Variants in DPY19L4 observed in about 807,000 individuals in gnomAD.
DPY19L4 encodes the protein probable C-mannosyltransferase DPY19L4.
In DPY19L4, 97 loss-of-function variants were observed where a neutral mutation model predicts 102.8. The ratio of observed to expected loss-of-function variants is 0.94; its 90% CI spans 0.80 to 1.12. The LOEUF is 1.12. Ranked by LOEUF, DPY19L4 falls within the 50% of genes most tolerant of loss-of-function variation. The pLI is 0.00. For missense variants in DPY19L4, 815 were observed against 850.4 expected, an observed-to-expected ratio of 0.96 and a Z score of 0.52; for synonymous variants, 252 against 283.1, an observed-to-expected ratio of 0.89 and a Z score of 1.10.
At chr8:94,725,960 T>C (rs912939121) in intron 1 of DPY19L4, among the ~76,000 whole-genome samples, 3 of 152,212 alleles carry the variant, frequency 2.0e-5, no homozygotes, top group Non-Finnish European at 4.4e-5. Flanking sequence ...TAAAGAACAG[T>C]TAAACCATAA....
chr8:94,739,592 A>C (rs770555245), intron 5 of DPY19L4, 53 bp from the exon 6 acceptor site: 16 of 1,601,904 alleles, frequency 1.0e-5, no homozygotes, highest in African/African-American at 2.7e-5. Context: ...TGAATCCTCA[A>C]ATTATTTAAT....
chr8:94,752,755 C>T (rs987037111), intron 6 of DPY19L4, among the ~76,000 whole-genome samples: 1 of 150,804 alleles, frequency 6.6e-6, no homozygotes, highest in Non-Finnish European at 1.5e-5. Context: ...AGCTCCGCCA[C>T]CCCGGTTCAC....
chr8:94,759,317 T>C (rs961838091), intron 7 of DPY19L4, among the ~76,000 whole-genome samples: 1 of 151,988 alleles, frequency 6.6e-6, no homozygotes, highest in African/African-American at 2.4e-5. Context: ...ATCCTGCTGA[T>C]TGGTGCATTT....
At chr8:94,771,717 G>A (rs1234981809) in intron 13 of DPY19L4, among the ~76,000 whole-genome samples, 1 of 152,236 alleles carries the variant, frequency 6.6e-6, no homozygotes, top group Non-Finnish European at 1.5e-5. Flanking sequence ...GCCTGGGCAG[G>A]AAGGATCATG....
At chr8:94,777,520 T>G in intron 13 of DPY19L4, 146 bp from the exon 14 acceptor site, 1 of 957,766 alleles carries the variant, frequency 1.0e-6, no homozygotes, top group Non-Finnish European at 1.5e-6. Flanking sequence ...AACAATCTGT[T>G]GCTGAAAATT....
intron 16 of DPY19L4, 128 bp downstream of exon 16, chr8:94,781,294 G>T: frequency 1.3e-6 from 1 of 754,778 alleles, no homozygotes. Context: ...GGCGTTTTAG[G>T]GATATTTAGA....
At chr8:94,740,736 T>C (rs1811408953) in intron 6 of DPY19L4, among the ~76,000 whole-genome samples, 1 of 152,240 alleles carries the variant, frequency 6.6e-6, no homozygotes, top group Non-Finnish European at 1.5e-5. Context: ...ATTACAGGTG[T>C]GAGCCACTGC....
intron 12 of DPY19L4, among the ~76,000 whole-genome samples, chr8:94,768,765 G>A (rs1014207409): frequency 3.3e-5 from 5 of 151,950 alleles, no homozygotes; most frequent in African/African-American, 9.7e-5. Flanking sequence ...AGGCCGAAGC[G>A]GGCAGATCGC....
chr8:94,776,022 A>G (rs1165019509), intron 13 of DPY19L4, among the ~76,000 whole-genome samples: 2 of 144,738 alleles, frequency 1.4e-5, no homozygotes, highest in Admixed American at 7.0e-5. Context: ...TTCAATTTTT[A>G]AATCTTTTTT....
At chr8:94,777,229 G>T (rs539748913) in intron 13 of DPY19L4, among the ~76,000 whole-genome samples, 4 of 151,980 alleles carry the variant, frequency 2.6e-5, no homozygotes, top group African/African-American at 9.6e-5. Flanking sequence ...ACCATGCCTG[G>T]CTAATTTTTG....
At chr8:94,766,726 C>G in intron 11 of DPY19L4, 41 bp downstream of exon 11, 1 of 1,540,248 alleles carries the variant, frequency 6.5e-7, no homozygotes, top group Non-Finnish European at 8.9e-7. Flanking sequence ...ATCGATACCA[C>G]TTAGAAAATA....
intron 18 of DPY19L4, among the ~76,000 whole-genome samples, chr8:94,788,583 G>C (rs1227797011): frequency 6.6e-6 from 1 of 152,154 alleles, no homozygotes; most frequent in Non-Finnish European, 1.5e-5. Context: ...TTTCTATATT[G>C]ATTTCGGCTG....
At position 94,756,105 on chromosome 8, in the gene DPY19L4, C is replaced by T. The variant is rs1434908906; in HGVS notation, c.681C>T (p.Cys227=). 6 of 1,613,684 alleles carry T rather than the reference C, an allele frequency of 3.7e-6. No homozygotes were observed. Among genetic ancestry groups the T allele is most frequent in the East Asian group, 2.2e-5 (1 of 44,824 alleles). Reference sequence around the variant, plus strand: ...ACTGGGCACTACCATATTTTGCATGCCAAATTGCTGCACTTACAGGCTATT... The same window carrying T: ...ACTGGGCACTACCATATTTTGCATGTCAAATTGCTGCACTTACAGGCTATT... The part of the protein sequence containing the change: ...RENWALPYFA[C]QIAALTGYLK... Residue 227 remains cysteine (C), a synonymous_variant, in exon 7 of 19, where the codon TGC becomes TGT. Transcript: ENST00000414645.
At chr8:94,721,170 T>C (rs1222182381) in intron 1 of DPY19L4, among the ~76,000 whole-genome samples, 4 of 152,236 alleles carry the variant, frequency 2.6e-5, no homozygotes, top group Non-Finnish European at 4.4e-5. Flanking sequence ...GGTCTTGAAC[T>C]TCTGACCTCA....
At chr8:94,773,369 A>C (rs1368829407) in intron 13 of DPY19L4, among the ~76,000 whole-genome samples, 1 of 152,196 alleles carries the variant, frequency 6.6e-6, no homozygotes, top group African/African-American at 2.4e-5. Context: ...TAAATTCTTC[A>C]ATTAGGTTAC....
At chr8:94,724,892 A>G (rs536328354) in intron 1 of DPY19L4, among the ~76,000 whole-genome samples, 5 of 152,198 alleles carry the variant, frequency 3.3e-5, no homozygotes, top group African/African-American at 1.2e-4. Flanking sequence ...CCGGCCTAAT[A>G]ATGTCATTTT....
intron 6 of DPY19L4, among the ~76,000 whole-genome samples, chr8:94,742,475 C>T (rs1811488275): frequency 6.6e-6 from 1 of 152,140 alleles, no homozygotes; most frequent in Non-Finnish European, 1.5e-5. Context: ...TCACTGTAAC[C>T]TCTGGCTCAT....
chr8:94,770,993 C>T (rs1305154126), intron 13 of DPY19L4, among the ~76,000 whole-genome samples: 45 of 151,098 alleles, frequency 3.0e-4, no homozygotes, highest in Non-Finnish European at 1.5e-5. Flanking sequence ...CAGCTCACTT[C>T]AACCTCCGCC....
intron 6 of DPY19L4, among the ~76,000 whole-genome samples, chr8:94,749,063 C>T (rs1811804786): frequency 2.0e-5 from 3 of 152,272 alleles, no homozygotes; most frequent in Middle Eastern, 6.8e-3. Context: ...TGCAGAGAAA[C>T]TCCTCTTTAT....
Sources: allele counts gnomAD v4.1 joint callset (sites outside exome capture counted in the v4.1 genomes callset), GRCh38; gene constraint gnomAD v4.1.1; transcripts MANE v1.5; gene names NCBI Gene and HGNC (gene_info 2026-07-23, HGNC 2026-07-21).